RBMS3: variants seen among roughly 807,000 people sequenced by gnomAD.
RBMS3 encodes the protein RNA binding motif single stranded interacting protein 3.
RBMS3 carries 27 observed loss-of-function variants against 66.8 expected under a neutral mutation model. The ratio of observed to expected loss-of-function variants is 0.40; its 90% confidence interval spans 0.30 to 0.56. The LOEUF (loss-of-function observed/expected upper bound fraction) is 0.56. Among genes scored for constraint, RBMS3 ranks in the 20% least tolerant of loss-of-function variants. The pLI, the probability that RBMS3 is intolerant of heterozygous loss-of-function variation, is 0.40. For synonymous variants in RBMS3, 188 were observed against 183.0 expected, an observed-to-expected ratio of 1.03 and a Z score of -0.22; for missense variants, 513 against 549.5, an observed-to-expected ratio of 0.93 and a Z score of 0.66.
At chr3:29,853,423 C>CTTTTTTTTTTTTTTTTTTTT (rs71091081) in intron 6 of RBMS3, among the ~76,000 whole-genome samples, 8 of 84,526 alleles carry the variant, frequency 9.5e-5, no homozygotes, top group African/African-American at 4.3e-4. Context: ...AATTTACTTT[C>CTTTTTTTTTTTTTTTTTTTT]TTTTTTTTTT....
chr3:29,670,646 C>T (rs925187589), intron 4 of RBMS3, among the ~76,000 whole-genome samples: 1 of 152,214 alleles, frequency 6.6e-6, no homozygotes, highest in Non-Finnish European at 1.5e-5. Flanking sequence ...CGGAGCCTTG[C>T]TCACTGCTAA....
intron 4 of RBMS3, among the ~76,000 whole-genome samples, chr3:29,647,505 G>A (rs140806663): frequency 6.6e-6 from 1 of 152,220 alleles, no homozygotes; most frequent in African/African-American, 2.4e-5. Flanking sequence ...TTTCTAGATA[G>A]AGGTGGAAAC....
At chr3:29,388,284 A>G (rs2125637498) in intron 1 of RBMS3, among the ~76,000 whole-genome samples, 1 of 152,344 alleles carries the variant, frequency 6.6e-6, no homozygotes, top group African/African-American at 2.4e-5. Context: ...ATAGAATGTC[A>G]GCTTCAGAAA....
intron 3 of RBMS3, among the ~76,000 whole-genome samples, chr3:29,501,705 C>CA (rs768644588): frequency 1.3e-5 from 2 of 152,054 alleles, no homozygotes; most frequent in African/African-American, 2.4e-5. Flanking sequence ...GCCTATCAAC[C>CA]AACCAATCAG....
intron 4 of RBMS3, among the ~76,000 whole-genome samples, chr3:29,703,434 TAATG>T (rs2052724365): frequency 6.6e-6 from 1 of 152,166 alleles, no homozygotes; most frequent in South Asian, 2.1e-4. Context: ...AGAAACAACT[TAATG>T]AATGCTATTT....
intron 4 of RBMS3, among the ~76,000 whole-genome samples, chr3:29,650,709 A>G (rs2050116858): frequency 6.6e-6 from 1 of 152,210 alleles, no homozygotes; most frequent in Admixed American, 6.5e-5. Context: ...AATTAGATAA[A>G]GCAATTTAAT....
At position 29,585,692 on chromosome 3, in the gene RBMS3, T is replaced by A. The variant is rs7610924; in HGVS notation, c.308-1422T>A. ...TTGACCCTATTTCTTGACTATTACT[T>A]CCACTTTTTTTTTCTATCTTACTCA... On this transcript the variant is annotated intron_variant, in intron 3 of 14. Transcript: ENST00000383767. Among the ~76,000 whole-genome samples the A allele has an allele frequency of 2.2e-3, 336 of 152,244 alleles. 2 individuals carry two copies. Among genetic ancestry groups the A allele is most frequent in the African/African-American group, 7.2e-3 (299 of 41,562 alleles).
intron 5 of RBMS3, among the ~76,000 whole-genome samples, chr3:29,748,524 T>G (rs534719006): frequency 1.3e-5 from 2 of 152,148 alleles, no homozygotes; most frequent in African/African-American, 2.4e-5. Flanking sequence ...AAGTAATGTA[T>G]TGATTGGCTA....
intron 12 of RBMS3, among the ~76,000 whole-genome samples, chr3:29,983,081 C>G (rs1698104841): frequency 6.6e-6 from 1 of 152,112 alleles, no homozygotes. Flanking sequence ...CTTTAGTAAT[C>G]TGGGTGCTCA....
Position 29,663,981 on chromosome 3 carries a change from T to G in RBMS3, c.400-75739T>G, listed in dbSNP as rs72846079. Reference sequence around the variant, plus strand: ...TCAATTATCTATTATTGTAAACCTTTAACAATAGAGGTATTGAAAGTTTTC... The same window carrying G: ...TCAATTATCTATTATTGTAAACCTTGAACAATAGAGGTATTGAAAGTTTTC... On this transcript the variant is annotated intron_variant, in intron 4 of 14. Coordinates refer to ENST00000383767, the MANE Select transcript of RBMS3 (RefSeq NM_001003793.3). Among the ~76,000 whole-genome samples the G allele has an allele frequency of 7.1e-3, 1,081 of 152,300 alleles. 13 individuals carry two copies. The highest frequency in any genetic ancestry group is 0.025 in the African/African-American group (1,027 of 41,542).
intron 1 of RBMS3, among the ~76,000 whole-genome samples, chr3:29,377,099 AAAAAG>A (rs1448915787): frequency 3.3e-5 from 5 of 151,994 alleles, no homozygotes; most frequent in African/African-American, 9.7e-5. Flanking sequence ...CAGAAAAAAA[AAAAAG>A]AAAAGCAAAG....
intron 1 of RBMS3, among the ~76,000 whole-genome samples, chr3:29,424,268 A>G (rs1353479916): frequency 1.3e-5 from 2 of 152,202 alleles, no homozygotes; most frequent in Non-Finnish European, 2.9e-5. Context: ...ATACACCCTG[A>G]TTTGCTTCAG....
intron 1 of RBMS3, among the ~76,000 whole-genome samples, chr3:29,380,651 G>A (rs1179229724): frequency 2.0e-5 from 3 of 152,162 alleles, no homozygotes; most frequent in Non-Finnish European, 4.4e-5. Context: ...GCAAGGGATG[G>A]AGCCAGGAAT....
chr3:29,784,383 C>A (rs141305467), intron 6 of RBMS3, among the ~76,000 whole-genome samples: 2 of 152,062 alleles, frequency 1.3e-5, no homozygotes, highest in African/African-American at 4.8e-5. Flanking sequence ...ACAAAAGGAA[C>A]GCTCAAAACC....
At chr3:29,366,999 C>A (rs1262702691) in intron 1 of RBMS3, among the ~76,000 whole-genome samples, 1 of 151,948 alleles carries the variant, frequency 6.6e-6, no homozygotes, top group Admixed American at 6.6e-5. Context: ...TTATATAGAA[C>A]ACAAAATGAT....
At chr3:29,892,935 G>A (rs552855316) in intron 8 of RBMS3, among the ~76,000 whole-genome samples, 1 of 151,048 alleles carries the variant, frequency 6.6e-6, no homozygotes, top group Non-Finnish European at 1.5e-5. Context: ...AAAAAGCTAA[G>A]AGATTTGGAA....
intron 12 of RBMS3, among the ~76,000 whole-genome samples, chr3:29,986,064 C>T (rs1698369813): frequency 6.6e-6 from 1 of 152,120 alleles, no homozygotes; most frequent in South Asian, 2.1e-4. Context: ...ACTTACTGGG[C>T]AAGTTGCAAA....
In RBMS3 at chr3:29,868,913, G is replaced by A. The variant is rs909172808; in HGVS notation, c.693G>A (p.Gln231=). The A allele has an allele frequency of 6.2e-7, 1 of 1,605,056 alleles. No homozygotes were observed. Among genetic ancestry groups the A allele is most frequent in the Non-Finnish European group, 8.5e-7 (1 of 1,175,190 alleles). ...CTGATGGAGGACAAAAGAAGCGACA[G>A]AATCAAAGCAAATATACCCAGAATG... ...KFADGGQKKR[Q]NQSKYTQNGR... Residue 231 remains glutamine, a synonymous_variant, in exon 7 of 15, where the codon CAG becomes CAA. Transcript: ENST00000383767.
chr3:29,656,740 A>G (rs535751989), intron 4 of RBMS3, among the ~76,000 whole-genome samples: 1 of 152,266 alleles, frequency 6.6e-6, no homozygotes, highest in African/African-American at 2.4e-5. Flanking sequence ...TAAGGCTCTG[A>G]CCCATAACCG....
Sources: gnomAD v4.1 joint callset for allele counts (sites outside exome capture counted in the v4.1 genomes callset) on GRCh38, gnomAD v4.1.1 for gene constraint, MANE v1.5 for transcripts, NCBI Gene and HGNC (gene_info 2026-07-23, HGNC 2026-07-21) for gene names.